Variants in FAM13A observed in about 807,000 individuals in gnomAD.
FAM13A encodes the protein family with sequence similarity 13 member A, also known as protein FAM13A.
A neutral mutation model predicts 129.6 loss-of-function variants in FAM13A; 76 were observed. The ratio of observed to expected loss-of-function variants is 0.59; its 90% CI spans 0.49 to 0.71. FAM13A has a LOEUF of 0.71. Among genes scored for constraint, FAM13A ranks in the 30% least tolerant of loss-of-function variants. FAM13A has a pLI of 0.00. For missense variants in FAM13A, 1,108 were observed against 1,249.3 expected (o/e 0.89, Z 1.70); for synonymous variants, 443 against 449.9 (o/e 0.98, Z 0.20).
intron 7 of FAM13A, among the ~76,000 whole-genome samples, chr4:88,840,880 T>A (rs1019022876): frequency 4.6e-5 from 7 of 152,156 alleles, no homozygotes; most frequent in African/African-American, 1.2e-4. Flanking sequence ...ACCAATTCCA[T>A]GGGAAAATAA....
At chr4:88,872,945 A>T (rs1280716173) in intron 6 of FAM13A, among the ~76,000 whole-genome samples, 1 of 152,166 alleles carries the variant, frequency 6.6e-6, no homozygotes, top group Non-Finnish European at 1.5e-5. Flanking sequence ...CTGTCTCTCA[A>T]ACCACAGTGC....
At chr4:89,041,403 C>T (rs1054590811) in intron 1 of FAM13A, among the ~76,000 whole-genome samples, 1 of 152,086 alleles carries the variant, frequency 6.6e-6, no homozygotes, top group Non-Finnish European at 1.5e-5. Context: ...TTAATTAACC[C>T]ATTTATGCCG....
chr4:88,748,051 G>A (rs1017352646), intron 17 of FAM13A, among the ~76,000 whole-genome samples, 200 bp from the exon 18 acceptor site: 23 of 152,070 alleles, frequency 1.5e-4, no homozygotes, highest in Non-Finnish European at 2.1e-4. Context: ...CACCACGCCC[G>A]GCTAATTTTT....
intron 7 of FAM13A, among the ~76,000 whole-genome samples, chr4:88,846,267 A>AT (rs576256232): frequency 1.1e-3 from 171 of 152,304 alleles, no homozygotes; most frequent in African/African-American, 3.9e-3. Context: ...TGGAACTATG[A>AT]TTTTTTATGA....
At chr4:88,747,898 T>A in intron 17 of FAM13A, 47 bp from the exon 18 acceptor site, 1 of 1,375,772 alleles carries the variant, frequency 7.3e-7, no homozygotes, top group Non-Finnish European at 1.0e-6. Flanking sequence ...TTTATTTATT[T>A]ATTTATTTTG....
chr4:88,960,712 GCT>G (rs141932333), intron 4 of FAM13A, among the ~76,000 whole-genome samples: 2,136 of 152,222 alleles, frequency 0.014, 54 homozygotes, highest in African/African-American at 0.048. Flanking sequence ...CAAATGTAGG[GCT>G]TCCTTTTAAG....
At position 88,965,729 on chromosome 4, in the gene FAM13A, T is replaced by TC. The variant is rs202043450; in HGVS notation, c.605+25243dup. On this transcript the variant is annotated intron_variant, in intron 4 of 23. Coordinates refer to ENST00000264344, the MANE Select transcript of FAM13A (RefSeq NM_014883.4). ...CATTAAACATATCTCCTTTTTCCAC[T>TC]CCCCCAGCCCCTGCTAACCACCATT... is the stretch of plus-strand genomic sequence containing the variant. Among the ~76,000 whole-genome samples, 582 of 152,184 alleles carry TC rather than the reference T, an allele frequency of 3.8e-3. 5 individuals carry two copies. Among genetic ancestry groups the TC allele is most frequent in the African/African-American group, 0.013 (538 of 41,504 alleles).
chr4:88,860,597 G>T (rs937715789), intron 6 of FAM13A, among the ~76,000 whole-genome samples: 1 of 152,220 alleles, frequency 6.6e-6, no homozygotes, highest in Non-Finnish European at 1.5e-5. Flanking sequence ...CTGTTTTGGG[G>T]AACAGGACAG....
At chr4:89,022,818 C>G (rs566204983) in intron 2 of FAM13A, among the ~76,000 whole-genome samples, 9 of 152,292 alleles carry the variant, frequency 5.9e-5, no homozygotes, top group African/African-American at 2.2e-4. Context: ...GGGCAAACAA[C>G]TAAAGGTGGT....
intron 20 of FAM13A, 36 bp downstream of exon 20, chr4:88,738,994 G>C: frequency 1.5e-6 from 2 of 1,331,860 alleles, no homozygotes; most frequent in Non-Finnish European, 2.2e-6. Flanking sequence ...CAAGCGGAAA[G>C]GTGTTGTACC....
intron 4 of FAM13A, among the ~76,000 whole-genome samples, chr4:88,965,386 T>C (rs564342204): frequency 1.1e-4 from 17 of 152,264 alleles, no homozygotes; most frequent in African/African-American, 4.1e-4. Flanking sequence ...CAAAATGTTC[T>C]TCTTTACATT....
intron 2 of FAM13A, among the ~76,000 whole-genome samples, chr4:89,029,235 A>G (rs570147421): frequency 1.8e-4 from 27 of 152,380 alleles, no homozygotes; most frequent in Admixed American, 3.9e-4. Context: ...AGAAATCTCT[A>G]TAATTAAAGT....
chr4:88,822,878 A>G (rs1466182079), intron 7 of FAM13A: 2 of 1,541,140 alleles, frequency 1.3e-6, no homozygotes, highest in Non-Finnish European at 1.7e-6. Context: ...CACACTTTGC[A>G]GCATGTTACT....
In FAM13A at chr4:88,726,369, A is replaced by AACTT. The variant is rs58657905; in HGVS notation, c.*2160_*2163dup. ...ATCTCATACACAATTTATTTTATAT[A>AACTT]ACTTACTTGGTGTTTTCTTTTATTG... On this transcript the variant is annotated 3_prime_UTR_variant, in exon 24 of 24. Coordinates refer to ENST00000264344, the MANE Select transcript of FAM13A (RefSeq NM_014883.4). 0.18 allele frequency: 26,865 copies of AACTT among 152,238 alleles called. 3,439 individuals carry two copies. The highest frequency in any genetic ancestry group is 0.36 in the African/African-American group (14,863 of 41,398). The allele number at this position is 152,238 out of a possible 1,614,324, so 9.4% of individuals were successfully genotyped here.
chr4:89,022,240 A>G (rs1271190303), intron 2 of FAM13A, among the ~76,000 whole-genome samples: 2 of 152,170 alleles, frequency 1.3e-5, no homozygotes. Context: ...TTATAATCTA[A>G]TAAAATACTT....
At chr4:88,814,993 C>T (rs528408280) in intron 7 of FAM13A, among the ~76,000 whole-genome samples, 3 of 152,072 alleles carry the variant, frequency 2.0e-5, no homozygotes, top group African/African-American at 7.2e-5. Context: ...GCATATGCCA[C>T]CATGCACAGA....
chr4:88,768,199 A>C (rs935426708), intron 11 of FAM13A, 140 bp from the exon 12 acceptor site: 191 of 559,726 alleles, frequency 3.4e-4, no homozygotes, highest in Non-Finnish European at 5.3e-4. Flanking sequence ...TCTTTGTTTA[A>C]ACTAGTAAAA....
intron 2 of FAM13A, among the ~76,000 whole-genome samples, chr4:89,026,541 G>T (rs1767990223): frequency 1.3e-5 from 2 of 152,192 alleles, no homozygotes; most frequent in African/African-American, 2.4e-5. Flanking sequence ...CAGCATGGCT[G>T]GGGAGGCCTC....
intron 6 of FAM13A, among the ~76,000 whole-genome samples, chr4:88,866,058 AT>A (rs578248395): frequency 3.3e-5 from 5 of 150,732 alleles, no homozygotes; most frequent in African/African-American, 1.2e-4. Context: ...ATATATATAC[AT>A]TTTTTGAGAT....
Sources: gnomAD v4.1 joint callset for allele counts (sites outside exome capture counted in the v4.1 genomes callset) on GRCh38, gnomAD v4.1.1 for gene constraint, MANE v1.5 for transcripts, NCBI Gene and HGNC (gene_info 2026-07-23, HGNC 2026-07-21) for gene names.